The following SLC24A2 variants were observed in gnomAD, a reference collection of about 807,000 sequenced individuals.
SLC24A2 encodes solute carrier family 24 member 2, also known as sodium/potassium/calcium exchanger 2.
SLC24A2 carries 36 observed loss-of-function variants against 62.0 expected under a neutral mutation model. The ratio of observed to expected loss-of-function variants is 0.58; its 90% confidence interval spans 0.44 to 0.77. SLC24A2 has a LOEUF of 0.77. Among genes scored for constraint, SLC24A2 ranks in the 30% least tolerant of loss-of-function variants. The probability of loss-of-function intolerance (pLI) is 0.00; values close to 1 mark genes in which losing one functional copy is unlikely to be tolerated. For synonymous variants in SLC24A2, 358 were observed against 294.0 expected (o/e 1.22, Z -2.23); for missense variants, 846 against 817.9 (o/e 1.03, Z -0.42).
the SLC24A2 span, among the ~76,000 whole-genome samples, chr9:20,266,122 G>C: frequency 6.6e-6 from 1 of 152,122 alleles, no homozygotes; most frequent in Non-Finnish European, 1.5e-5. Context: ...ATCTCGCCCT[G>C]CCTCCATTTG....
At chr9:20,126,566 T>C in the SLC24A2 span, among the ~76,000 whole-genome samples, 17,989 of 152,174 alleles carry the variant, frequency 0.12, 1,084 homozygotes, top group Middle Eastern at 0.17. Flanking sequence ...TTGAATACAA[T>C]TGACACAATT....
intron 3 of SLC24A2, among the ~76,000 whole-genome samples, 200 bp from the exon 4 acceptor site, chr9:19,619,892 C>T (rs926770789): frequency 1.3e-5 from 2 of 152,202 alleles, no homozygotes; most frequent in Non-Finnish European, 2.9e-5. Context: ...GAATGCATTG[C>T]TTCCCTTTTT....
the SLC24A2 span, among the ~76,000 whole-genome samples, chr9:19,981,132 C>T: frequency 6.6e-6 from 1 of 152,176 alleles, no homozygotes; most frequent in Non-Finnish European, 1.5e-5. Context: ...TTTCTTATTT[C>T]TTCAGATTGT....
chr9:20,082,684 G>C, the SLC24A2 span, among the ~76,000 whole-genome samples: 18 of 152,352 alleles, frequency 1.2e-4, no homozygotes, highest in East Asian at 3.3e-3. Flanking sequence ...ATCTGGAAAG[G>C]AAAGTGGAAG....
chr9:19,693,479 C>A (rs541502713), intron 2 of SLC24A2, among the ~76,000 whole-genome samples: 1 of 152,018 alleles, frequency 6.6e-6, no homozygotes, highest in Non-Finnish European at 1.5e-5. Flanking sequence ...TTGTTGATGG[C>A]CCTGTCTAAA....
chr9:19,732,458 T>C (rs1821368598), intron 2 of SLC24A2, among the ~76,000 whole-genome samples: 1 of 152,200 alleles, frequency 6.6e-6, no homozygotes, highest in Non-Finnish European at 1.5e-5. Flanking sequence ...GCCTTTCTTA[T>C]TTTTTTAAAT....
chr9:19,791,602 C>T (rs1360725766), upstream of SLC24A2, among the ~76,000 whole-genome samples: 1 of 152,182 alleles, frequency 6.6e-6, no homozygotes, highest in Non-Finnish European at 1.5e-5. Context: ...AACTTCCATC[C>T]TGGTAGTAAT....
intron 8 of SLC24A2, among the ~76,000 whole-genome samples, chr9:19,543,438 C>G (rs1158785650): frequency 6.9e-6 from 1 of 145,180 alleles, no homozygotes; most frequent in Admixed American, 7.0e-5. Flanking sequence ...TCCTTCAGTT[C>G]TGCTCTGATC....
At chr9:19,816,851 C>A in the SLC24A2 span, among the ~76,000 whole-genome samples, 6 of 152,078 alleles carry the variant, frequency 3.9e-5, no homozygotes, top group Non-Finnish European at 5.9e-5. Context: ...ATGATCCAAT[C>A]ACCTCCTACA....
At chr9:20,058,111 A>G in the SLC24A2 span, among the ~76,000 whole-genome samples, 2 of 152,190 alleles carry the variant, frequency 1.3e-5, no homozygotes, top group African/African-American at 4.8e-5. Flanking sequence ...AGATTTCTAA[A>G]TGATGGAAAG....
At chr9:20,160,475 A>T in the SLC24A2 span, among the ~76,000 whole-genome samples, 4 of 151,440 alleles carry the variant, frequency 2.6e-5, no homozygotes, top group Admixed American at 6.6e-5. Flanking sequence ...CACTTATAAT[A>T]GAAAATATAC....
intron 10 of SLC24A2, among the ~76,000 whole-genome samples, chr9:19,519,881 CAG>C (rs146901758): frequency 0.027 from 4,179 of 152,302 alleles, 185 homozygotes; most frequent in African/African-American, 0.096. Context: ...GTTTTATGCA[CAG>C]AGAGTGCTAC....
At chr9:19,918,095 A>T in the SLC24A2 span, among the ~76,000 whole-genome samples, 2 of 151,804 alleles carry the variant, frequency 1.3e-5, no homozygotes, top group Non-Finnish European at 2.9e-5. Context: ...TCTTGTCATT[A>T]TCCTTCGAAA....
chr9:19,877,542 G>A, the SLC24A2 span, among the ~76,000 whole-genome samples: 2 of 151,726 alleles, frequency 1.3e-5, no homozygotes, highest in Non-Finnish European at 2.9e-5. Context: ...CCTAATGTTT[G>A]GAGTGAAGGA....
intron 2 of SLC24A2, among the ~76,000 whole-genome samples, chr9:19,742,730 T>C (rs2118773020): frequency 6.6e-6 from 1 of 152,220 alleles, no homozygotes; most frequent in Admixed American, 6.5e-5. Context: ...CAAGGCCAAC[T>C]AAAAAGCAAC....
the SLC24A2 span, among the ~76,000 whole-genome samples, chr9:20,148,878 A>G: frequency 6.6e-6 from 1 of 152,108 alleles, no homozygotes; most frequent in Non-Finnish European, 1.5e-5. Context: ...TTCTATTTAA[A>G]TGCTTATGAA....
the SLC24A2 span, among the ~76,000 whole-genome samples, chr9:19,986,336 AC>A: frequency 5.3e-5 from 8 of 152,258 alleles, no homozygotes; most frequent in Non-Finnish European, 1.0e-4. Context: ...TAATGTACAA[AC>A]CAATAATATA....
At chr9:20,056,182 T>G in the SLC24A2 span, among the ~76,000 whole-genome samples, 2 of 152,186 alleles carry the variant, frequency 1.3e-5, no homozygotes, top group African/African-American at 4.8e-5. Flanking sequence ...GCTGATAGTA[T>G]CCATTTTTCC....
At chr9:19,836,172 G>A in the SLC24A2 span, among the ~76,000 whole-genome samples, 17 of 152,158 alleles carry the variant, frequency 1.1e-4, no homozygotes, top group Admixed American at 3.9e-4. Context: ...AAGAACTAGA[G>A]AAGCAAGAGC....
Sources: allele counts gnomAD v4.1 joint callset (sites outside exome capture counted in the v4.1 genomes callset), GRCh38; gene constraint gnomAD v4.1.1; transcripts MANE v1.5; gene names NCBI Gene and HGNC (gene_info 2026-07-23, HGNC 2026-07-21).